The following UBASH3B variants were observed in gnomAD, a reference collection of about 807,000 sequenced individuals.
UBASH3B encodes ubiquitin-associated and SH3 domain-containing protein B.
A neutral mutation model predicts 83.4 loss-of-function variants in UBASH3B; 37 were observed. That is an observed-to-expected ratio of 0.44 (90% CI 0.34 to 0.58). The LOEUF (loss-of-function observed/expected upper bound fraction) is 0.58. Among genes scored for constraint, UBASH3B ranks in the 20% least tolerant of loss-of-function variants. The pLI is 0.01. For missense variants in UBASH3B, 657 were observed against 827.2 expected (o/e 0.79, Z 2.52); for synonymous variants, 304 against 318.3 (o/e 0.96, Z 0.48).
intron 4 of UBASH3B, 36 bp downstream of exon 4, chr11:122,779,731 GTCAA>G (rs917931840): frequency 6.1e-5 from 99 of 1,611,892 alleles, no homozygotes; most frequent in Non-Finnish European, 7.6e-5. Flanking sequence ...CCTGGGCCCT[GTCAA>G]TCAAAGAGTT....
At position 122,681,376 on chromosome 11, in the gene UBASH3B, G is replaced by GCCAAATTC. The variant is rs1275570854; in HGVS notation, c.161+25167_161+25168insCAAATTCC. Among the ~76,000 whole-genome samples, 8 of 152,284 alleles carry GCCAAATTC rather than the reference G, an allele frequency of 5.3e-5. No individual in the cohort carries two copies. In the East Asian group the frequency reaches 1.5e-3, roughly 29 times the overall value. On this transcript the variant is annotated intron_variant, in intron 1 of 13. Transcript: ENST00000284273. Reference sequence around the variant, plus strand: ...GATTCCTCAGTCAAACAGGAACAGTGCTCACAGAGGAAATGGAGTTTTGCC... The same window carrying GCCAAATTC: ...GATTCCTCAGTCAAACAGGAACAGTGCCAAATTCCTCACAGAGGAAATGGAGTTTTGCC...
rs533421841 is a variant in UBASH3B at position 122,703,405 on chromosome 11, C to A, written c.161+47195C>A. ...TTGTGCCACTGCACTCCAGCCTGGG[C>A]AACAGAGCAGGCCTCCGTCTCAAAA... is the stretch of plus-strand genomic sequence containing the variant. On this transcript the variant is annotated intron_variant, in intron 1 of 13. Transcript: ENST00000284273. 3.3e-5 allele frequency among the ~76,000 whole-genome samples: 5 copies of A among 151,250 alleles called. No homozygotes were observed. In the South Asian group the frequency reaches 6.3e-4, roughly 19 times the overall value.
chr11:122,789,720 G>A (rs1381314068), intron 6 of UBASH3B, among the ~76,000 whole-genome samples: 2 of 152,108 alleles, frequency 1.3e-5, no homozygotes, highest in Non-Finnish European at 2.9e-5. Context: ...TAGAGAAGGG[G>A]GTTTCAAGAG....
chr11:122,795,311 C>G (rs972816804), intron 7 of UBASH3B, among the ~76,000 whole-genome samples: 2 of 152,008 alleles, frequency 1.3e-5, no homozygotes, highest in Non-Finnish European at 2.9e-5. Flanking sequence ...TGTTGAGGAT[C>G]AAGAGAGTAA....
intron 5 of UBASH3B, among the ~76,000 whole-genome samples, chr11:122,784,213 C>T (rs994270426): frequency 2.0e-5 from 3 of 152,072 alleles, no homozygotes; most frequent in African/African-American, 7.2e-5. Flanking sequence ...GGATTACAAG[C>T]GTGAGCCGCA....
intron 1 of UBASH3B, among the ~76,000 whole-genome samples, chr11:122,695,742 C>G (rs1334073533): frequency 1.3e-5 from 2 of 152,126 alleles, no homozygotes; most frequent in African/African-American, 2.4e-5. Context: ...TAATGATGCT[C>G]AGGAAAGACA....
chr11:122,804,874 A>T (rs1049643771), intron 11 of UBASH3B, among the ~76,000 whole-genome samples: 1 of 152,236 alleles, frequency 6.6e-6, no homozygotes, highest in Non-Finnish European at 1.5e-5. Context: ...AGAAAACAAG[A>T]TAAACATCTT....
chr11:122,801,405 A>G, intron 11 of UBASH3B, 73 bp downstream of exon 11: 2 of 1,562,226 alleles, frequency 1.3e-6, no homozygotes, highest in Non-Finnish European at 1.7e-6. Flanking sequence ...GGCCAGGTTC[A>G]GGAAGGAGCC....
rs867828060 is a variant in UBASH3B at position 122,753,255 on chromosome 11, C to A, written c.162-22964C>A. Reference sequence around the variant, plus strand: ...GGTCAGGAGTTGAAGACCAGCCTGGCTCCTGGTCAACATGGTGAAACCCCG... The same window carrying A: ...GGTCAGGAGTTGAAGACCAGCCTGGATCCTGGTCAACATGGTGAAACCCCG... On this transcript the variant is annotated intron_variant, in intron 1 of 13. Transcript: ENST00000284273. 5.3e-5 allele frequency among the ~76,000 whole-genome samples: 8 copies of A among 151,786 alleles called. No homozygotes were observed. In the East Asian group the frequency reaches 1.6e-3, roughly 30 times the overall value.
At chr11:122,694,988 G>T (rs1271324422) in intron 1 of UBASH3B, among the ~76,000 whole-genome samples, 4 of 96,540 alleles carry the variant, frequency 4.1e-5, no homozygotes, top group African/African-American at 1.2e-4. Flanking sequence ...TTTTGAGGTG[G>T]AGTCTCCCTC....
At chr11:122,731,111 GACCCAATTGT>G (rs760053717) in intron 1 of UBASH3B, among the ~76,000 whole-genome samples, 1 of 152,214 alleles carries the variant, frequency 6.6e-6, no homozygotes, top group Non-Finnish European at 1.5e-5. Flanking sequence ...GAGAGCACCA[GACCCAATTGT>G]GCCAATCGGA....
chr11:122,797,120 G>A, intron 9 of UBASH3B, 87 bp downstream of exon 9: 2 of 1,487,598 alleles, frequency 1.3e-6, no homozygotes, highest in African/African-American at 1.4e-5. Flanking sequence ...GACACTTCCT[G>A]TGGGTTTCTA....
At chr11:122,732,877 A>G (rs886801371) in intron 1 of UBASH3B, among the ~76,000 whole-genome samples, 1 of 152,224 alleles carries the variant, frequency 6.6e-6, no homozygotes, top group Non-Finnish European at 1.5e-5. Flanking sequence ...CTCCTATTCA[A>G]ATAGTGGCAG....
In UBASH3B at chr11:122,759,320, G is replaced by A. The variant is rs769000351; in HGVS notation, c.162-16899G>A. 2.6e-5 allele frequency among the ~76,000 whole-genome samples: 4 copies of A among 152,176 alleles called. No homozygotes were observed. Among genetic ancestry groups the A allele is most frequent in the African/African-American group, 7.2e-5 (3 of 41,428 alleles). ...GCTTCTCCTTGGCCAGCAGGAAAGC[G>A]AGTCATTTAGAGCAGTGGTCCCCAA... On this transcript the variant is annotated intron_variant, in intron 1 of 13. Coordinates refer to ENST00000284273, the MANE Select transcript of UBASH3B (RefSeq NM_032873.5). This position sits in a 1 kb window ranked among gnomAD's most constrained non-coding sequence, Gnocchi z 4.1.
chr11:122,751,075 G>A (rs866473065), intron 1 of UBASH3B, among the ~76,000 whole-genome samples: 28 of 151,534 alleles, frequency 1.8e-4, no homozygotes, highest in African/African-American at 6.8e-4. Flanking sequence ...CGTACCACGC[G>A]CCTGGGTTTT....
intron 2 of UBASH3B, 102 bp downstream of exon 2, chr11:122,776,374 A>T: frequency 1.8e-6 from 2 of 1,082,440 alleles, no homozygotes; most frequent in Non-Finnish European, 2.6e-6. Flanking sequence ...ACCCTTCCAG[A>T]AGAGACAGGA....
At chr11:122,780,474 G>T (rs867820222) in intron 4 of UBASH3B, among the ~76,000 whole-genome samples, 1 of 152,238 alleles carries the variant, frequency 6.6e-6, no homozygotes, top group African/African-American at 2.4e-5. Flanking sequence ...ATCTGGTGGG[G>T]GGAGAGCCTC....
chr11:122,674,479 C>T (rs1189757066), intron 1 of UBASH3B, among the ~76,000 whole-genome samples: 1 of 150,424 alleles, frequency 6.6e-6, no homozygotes, highest in Non-Finnish European at 1.5e-5. Context: ...CTCCCCGGTT[C>T]ACGCCATTCT....
Position 122,796,902 on chromosome 11 carries a change from G to A in UBASH3B, c.1235-9G>A, listed in dbSNP as rs746303047. 3 of 1,614,104 alleles carry A rather than the reference G, an allele frequency of 1.9e-6. No individual in the cohort carries two copies. The highest frequency in any genetic ancestry group is 1.7e-5 in the Admixed American group (1 of 60,018). The stretch of plus-strand genomic sequence containing the variant: ...TATGTATCCTCTGTCTAACCTCTTT[G>A]TTTTTCAGGCCGCTACATACGCACC... On this transcript the variant is annotated splice_polypyrimidine_tract_variant and intron_variant, in intron 8 of 13. Transcript: ENST00000284273.
Sources: allele counts gnomAD v4.1 joint callset (sites outside exome capture counted in the v4.1 genomes callset), GRCh38; gene constraint gnomAD v4.1.1; non-coding constraint Gnocchi (gnomAD v3.1); transcripts MANE v1.5; gene names NCBI Gene and HGNC (gene_info 2026-07-23, HGNC 2026-07-21).